The following TAPT1 variants were observed in gnomAD, a reference collection of about 807,000 sequenced individuals.
The protein encoded by TAPT1 is transmembrane anterior posterior transformation protein 1 homolog.
A neutral mutation model predicts 65.6 loss-of-function variants in TAPT1; 28 were observed. The observed-to-expected ratio is 0.43, with a 90% CI of 0.32 to 0.59. The LOEUF (loss-of-function observed/expected upper bound fraction) is 0.59, where lower values mean the gene tolerates loss of function less well. Ranked by LOEUF, TAPT1 falls within the 20% of genes least tolerant of loss-of-function variation. The pLI, the probability that TAPT1 is intolerant of heterozygous loss-of-function variation, is 0.09. For missense variants in TAPT1, 563 were observed against 679.9 expected (o/e 0.83, Z 1.91); for synonymous variants, 278 against 245.2 (o/e 1.13, Z -1.25).
chr4:16,204,091 G>T (rs1001851286), intron 2 of TAPT1, among the ~76,000 whole-genome samples: 4 of 152,196 alleles, frequency 2.6e-5, no homozygotes, highest in African/African-American at 9.7e-5. Context: ...AGAGTTCATG[G>T]TCCTTTTCTA....
chr4:16,212,375 C>T (rs1038511185), intron 2 of TAPT1, among the ~76,000 whole-genome samples: 1 of 152,234 alleles, frequency 6.6e-6, no homozygotes, highest in East Asian at 1.9e-4. Flanking sequence ...TGTGTCCTCA[C>T]ACTTCCATCT....
intron 3 of TAPT1, among the ~76,000 whole-genome samples, chr4:16,194,505 G>T (rs539715549): frequency 3.9e-5 from 6 of 152,202 alleles, no homozygotes; most frequent in African/African-American, 1.4e-4. Flanking sequence ...TTCTAAACTT[G>T]CAGGAATCAA....
intron 2 of TAPT1, among the ~76,000 whole-genome samples, chr4:16,207,865 TTTAA>T (rs1258788160): frequency 6.6e-6 from 1 of 152,236 alleles, no homozygotes; most frequent in African/African-American, 2.4e-5. Context: ...AGCAGTTGAA[TTTAA>T]TTTTTAGAAA....
At chr4:16,176,425 T>C (rs1183652591) in intron 8 of TAPT1, 197 bp from the exon 9 acceptor site, 1 of 382,036 alleles carries the variant, frequency 2.6e-6, no homozygotes, top group Non-Finnish European at 4.6e-6. Flanking sequence ...AACAAACGTT[T>C]ACTCAGGCCC....
intron 13 of TAPT1, among the ~76,000 whole-genome samples, chr4:16,163,757 C>T (rs185714530): frequency 6.6e-6 from 1 of 152,280 alleles, no homozygotes; most frequent in Admixed American, 6.5e-5. Context: ...GGGTACATTA[C>T]ATTGCTCGTA....
At chr4:16,168,797 C>T (rs906713255) in intron 12 of TAPT1, among the ~76,000 whole-genome samples, 1 of 152,226 alleles carries the variant, frequency 6.6e-6, no homozygotes, top group African/African-American at 2.4e-5. Flanking sequence ...TGGCCAAGCC[C>T]TAGACCAGCC....
At chr4:16,175,739 A>G (rs941860576) in intron 9 of TAPT1, among the ~76,000 whole-genome samples, 2 of 152,186 alleles carry the variant, frequency 1.3e-5, no homozygotes, top group African/African-American at 4.8e-5. Context: ...ATAATCGTGG[A>G]AAAAAATCAA....
At chr4:16,209,325 T>C (rs1401892397) in intron 2 of TAPT1, among the ~76,000 whole-genome samples, 1 of 152,262 alleles carries the variant, frequency 6.6e-6, no homozygotes, top group South Asian at 2.1e-4. Context: ...TGTATTATAA[T>C]AACTTATGGA....
chr4:16,184,855 AAAAC>A (rs1244438556), intron 7 of TAPT1, among the ~76,000 whole-genome samples: 2 of 152,226 alleles, frequency 1.3e-5, no homozygotes, highest in African/African-American at 2.4e-5. Flanking sequence ...ATATATTCAG[AAAAC>A]AAACAAACAA....
At chr4:16,206,290 G>A (rs1750339547) in intron 2 of TAPT1, among the ~76,000 whole-genome samples, 1 of 152,212 alleles carries the variant, frequency 6.6e-6, no homozygotes, top group Non-Finnish European at 1.5e-5. Context: ...TATGCACATA[G>A]AATGATCCTG....
At chr4:16,178,345 A>C (rs1478734475) in intron 8 of TAPT1, among the ~76,000 whole-genome samples, 1 of 152,206 alleles carries the variant, frequency 6.6e-6, no homozygotes, top group Non-Finnish European at 1.5e-5. Context: ...CTCTCATTTT[A>C]TATGTTTTTG....
intron 1 of TAPT1, among the ~76,000 whole-genome samples, chr4:16,217,615 T>C (rs1422527782): frequency 4.6e-5 from 7 of 152,218 alleles, no homozygotes; most frequent in Non-Finnish European, 1.5e-5. Flanking sequence ...TGAAAGATGA[T>C]CTATATGAAA....
chr4:16,208,900 G>C (rs1448968995), intron 2 of TAPT1, among the ~76,000 whole-genome samples: 1 of 152,084 alleles, frequency 6.6e-6, no homozygotes, highest in Non-Finnish European at 1.5e-5. Flanking sequence ...GTCTCACTCT[G>C]TTGCCCAGGC....
In TAPT1 at chr4:16,198,161, T is replaced by C. The variant is rs151257648; in HGVS notation, c.449+4301A>G. On this transcript the variant is annotated intron_variant, in intron 3 of 13. Coordinates refer to ENST00000405303, the MANE Select transcript of TAPT1 (RefSeq NM_153365.3). ...GTAGAACCACCCTTGTCCTCAGCCT[T>C]AGTGAAGGGACAGGGTCTTTATTTT... Among the ~76,000 whole-genome samples the C allele has an allele frequency of 2.4e-3, 358 of 152,266 alleles. 1 individual carries two copies. The highest frequency in any genetic ancestry group is 8.3e-3 in the African/African-American group (343 of 41,554).
At chr4:16,173,143 T>C (rs969408489) in intron 11 of TAPT1, among the ~76,000 whole-genome samples, 9 of 152,142 alleles carry the variant, frequency 5.9e-5, no homozygotes, top group Admixed American at 5.9e-4. Context: ...TGTTTTGATG[T>C]TAGAATCGGT....
At chr4:16,185,606 T>C (rs961178953) in intron 7 of TAPT1, among the ~76,000 whole-genome samples, 1 of 152,132 alleles carries the variant, frequency 6.6e-6, no homozygotes, top group African/African-American at 2.4e-5. Context: ...TGACCTCAGG[T>C]GATCCACCAG....
chr4:16,163,218 T>C lies in TAPT1; in HGVS notation c.*90A>G, dbSNP rs1024680835. On this transcript the variant is annotated 3_prime_UTR_variant, in exon 14 of 14. Transcript: ENST00000405303. ...AATAATTTAAGTTTTTAAATAAATA[T>C]TTAAGTGCCATGTTTAGCATCTATT... is the stretch of plus-strand genomic sequence containing the variant. The C allele has an allele frequency of 7.6e-6, 7 of 918,200 alleles. No individual in the cohort carries two copies. The Admixed American group carries it at 8.3e-5, about 11-fold the overall frequency. 56.9% of individuals were successfully genotyped at this position (918,200 alleles called of 1,614,324 possible). A position where few individuals can be genotyped will look rare whatever the true frequency, so the allele number is the denominator to read the frequency against.
chr4:16,202,342 A>G, intron 3 of TAPT1, 120 bp downstream of exon 3: 1 of 548,834 alleles, frequency 1.8e-6, no homozygotes, highest in Non-Finnish European at 3.3e-6. Context: ...TAAACAGTTT[A>G]TGCATGAAGG....
intron 2 of TAPT1, among the ~76,000 whole-genome samples, chr4:16,205,541 G>C (rs1750287618): frequency 6.6e-6 from 1 of 152,178 alleles, no homozygotes; most frequent in Non-Finnish European, 1.5e-5. Context: ...CTAAGTGCCA[G>C]ATGAATGATG....
Sources: gnomAD v4.1 joint callset for allele counts (sites outside exome capture counted in the v4.1 genomes callset) on GRCh38, gnomAD v4.1.1 for gene constraint, MANE v1.5 for transcripts, NCBI Gene and HGNC (gene_info 2026-07-23, HGNC 2026-07-21) for gene names.